The following CNGA1 variants were observed in gnomAD, a reference collection of about 807,000 sequenced individuals.
CNGA1 encodes the protein cyclic nucleotide-gated channel alpha-1.
A neutral mutation model predicts 69.7 loss-of-function variants in CNGA1; 53 were observed. The ratio of observed to expected loss-of-function variants is 0.76; its 90% CI spans 0.61 to 0.96. CNGA1 has a LOEUF of 0.96. CNGA1 is among the 40% of genes least tolerant of loss of function. The probability of loss-of-function intolerance (pLI) is 0.00; values close to 1 mark genes in which losing one functional copy is unlikely to be tolerated. For synonymous variants in CNGA1, 249 were observed against 283.5 expected, an observed-to-expected ratio of 0.88 and a Z score of 1.22; for missense variants, 739 against 811.2, an observed-to-expected ratio of 0.91 and a Z score of 1.08.
Position 47,959,331 on chromosome 4 carries a change from TA to T in CNGA1, c.-14-6629del, listed in dbSNP as rs143310628. On this transcript the variant is annotated intron_variant, in intron 3 of 10. Coordinates refer to ENST00000514170, the MANE Select transcript of CNGA1 (RefSeq NM_001379270.1). ...TGGACCACCAAAAATATATCAGATT[TA>T]ATTAGTCCCACTAATTCCATGTTCA... Among the ~76,000 whole-genome samples the T allele has an allele frequency of 1.1e-3, 167 of 152,346 alleles. 1 individual carries two copies. Among genetic ancestry groups the T allele is most frequent in the African/African-American group, 3.9e-3 (161 of 41,598 alleles).
rs1467185580 is a variant in CNGA1 at position 47,951,348 on chromosome 4, C to T, written c.224+5G>A. The stretch of plus-strand genomic sequence containing the variant: ...AAGCACCAAGGGATGGATCATACTG[C>T]TCACCTCTGTGATGGTCCTCCCTTT... On this transcript the variant is annotated splice_donor_5th_base_variant and intron_variant, in intron 5 of 10. Transcript: ENST00000514170. 1.3e-6 allele frequency: 2 copies of T among 1,560,350 alleles called. No homozygotes were observed. Among genetic ancestry groups the T allele is most frequent in the South Asian group, 1.1e-5 (1 of 90,032 alleles).
intron 3 of CNGA1, among the ~76,000 whole-genome samples, chr4:47,966,374 C>A (rs572778641): frequency 6.6e-6 from 1 of 152,314 alleles, no homozygotes; most frequent in East Asian, 1.9e-4. Context: ...TACCCACTTA[C>A]ACACACAAAC....
chr4:47,979,523 C>CTAG (rs1375084199), intron 3 of CNGA1, among the ~76,000 whole-genome samples: 1 of 152,094 alleles, frequency 6.6e-6, no homozygotes, highest in African/African-American at 2.4e-5. Flanking sequence ...TATGGATTTA[C>CTAG]TCCTTTGACC....
intron 3 of CNGA1, among the ~76,000 whole-genome samples, chr4:47,967,861 C>T (rs1740807466): frequency 6.6e-6 from 1 of 152,068 alleles, no homozygotes; most frequent in South Asian, 2.1e-4. Context: ...GCCTGTGGTC[C>T]CAGCTACTTG....
At chr4:47,968,562 G>A (rs1461628641) in intron 3 of CNGA1, among the ~76,000 whole-genome samples, 2 of 152,126 alleles carry the variant, frequency 1.3e-5, no homozygotes, top group Non-Finnish European at 2.9e-5. Context: ...GGACAGTGAG[G>A]AAACCCAGAG....
chr4:47,957,449 A>T (rs567188442), intron 3 of CNGA1, among the ~76,000 whole-genome samples: 1 of 152,000 alleles, frequency 6.6e-6, no homozygotes, highest in East Asian at 1.9e-4. Context: ...CATCTCTACA[A>T]AATAAAAATA....
At chr4:47,979,022 T>C (rs1171690495) in intron 3 of CNGA1, among the ~76,000 whole-genome samples, 1 of 151,994 alleles carries the variant, frequency 6.6e-6, no homozygotes, top group Non-Finnish European at 1.5e-5. Context: ...ATTAGCATTG[T>C]TCAAAATCTT....
At chr4:48,002,250 C>G (rs1277743376) in intron 2 of CNGA1, among the ~76,000 whole-genome samples, 1 of 151,976 alleles carries the variant, frequency 6.6e-6, no homozygotes, top group African/African-American at 2.4e-5. Context: ...AAGGTAAGAG[C>G]TAGTTCTTAT....
chr4:47,961,618 C>G (rs549602386), intron 3 of CNGA1, among the ~76,000 whole-genome samples: 1 of 152,188 alleles, frequency 6.6e-6, no homozygotes, highest in Admixed American at 6.5e-5. Context: ...GTAGTGCATG[C>G]CTGTGGTCTC....
chr4:47,999,445 A>G (rs1004291392), intron 2 of CNGA1, among the ~76,000 whole-genome samples: 1 of 152,212 alleles, frequency 6.6e-6, no homozygotes, highest in Non-Finnish European at 1.5e-5. Context: ...ATAAAATCCA[A>G]ACACTTCACA....
At chr4:47,962,359 A>C (rs1235324954) in intron 3 of CNGA1, among the ~76,000 whole-genome samples, 1 of 145,876 alleles carries the variant, frequency 6.9e-6, no homozygotes, top group Admixed American at 6.9e-5. Context: ...AAAAAAAAAA[A>C]TTGATTACAT....
At chr4:47,986,984 G>A (rs528515740) in intron 2 of CNGA1, among the ~76,000 whole-genome samples, 4 of 152,092 alleles carry the variant, frequency 2.6e-5, no homozygotes, top group African/African-American at 9.6e-5. Context: ...ATTGTGTTGT[G>A]TTGTGTTGTG....
At chr4:47,938,246 T>C (rs1005974463) in intron 10 of CNGA1, among the ~76,000 whole-genome samples, 1 of 151,928 alleles carries the variant, frequency 6.6e-6, no homozygotes, top group Non-Finnish European at 1.5e-5. Flanking sequence ...TACAAATCTC[T>C]CAAGGTCTAT....
intron 3 of CNGA1, among the ~76,000 whole-genome samples, chr4:47,969,404 G>A (rs545145978): frequency 2.0e-5 from 3 of 152,172 alleles, no homozygotes; most frequent in East Asian, 3.9e-4. Context: ...AAACTGATTC[G>A]GAGACTGGGA....
intron 3 of CNGA1, among the ~76,000 whole-genome samples, chr4:47,954,875 A>G (rs565175709): frequency 6.6e-6 from 1 of 152,290 alleles, no homozygotes; most frequent in African/African-American, 2.4e-5. Flanking sequence ...ATGACTATGC[A>G]AATTTATTTG....
chr4:48,005,909 C>T (rs1279147997), intron 2 of CNGA1, among the ~76,000 whole-genome samples: 1 of 152,176 alleles, frequency 6.6e-6, no homozygotes, highest in Non-Finnish European at 1.5e-5. Context: ...AGAATACTCA[C>T]AAATAGTTTC....
chr4:47,980,425 G>A (rs933801896), intron 3 of CNGA1, among the ~76,000 whole-genome samples: 5 of 149,894 alleles, frequency 3.3e-5, no homozygotes, highest in African/African-American at 1.2e-4. Flanking sequence ...TTTAATTAAA[G>A]AAAAACATGA....
At chr4:47,988,895 G>A (rs1272098688) in intron 2 of CNGA1, among the ~76,000 whole-genome samples, 1 of 151,762 alleles carries the variant, frequency 6.6e-6, no homozygotes, top group African/African-American at 2.4e-5. Context: ...CATATAAGCG[G>A]ACCCATGTAG....
chr4:47,982,876 C>G (rs550409988), intron 2 of CNGA1, among the ~76,000 whole-genome samples: 1 of 152,272 alleles, frequency 6.6e-6, no homozygotes, highest in East Asian at 1.9e-4. Context: ...GCCATCGCGG[C>G]TCACTGCAGC....
Sources: allele counts gnomAD v4.1 joint callset (sites outside exome capture counted in the v4.1 genomes callset), GRCh38; gene constraint gnomAD v4.1.1; transcripts MANE v1.5; gene names NCBI Gene and HGNC (gene_info 2026-07-23, HGNC 2026-07-21).